BAZ2B: variants seen among roughly 807,000 people sequenced by gnomAD.
The protein encoded by BAZ2B is bromodomain adjacent to zinc finger domain 2B.
Under a neutral mutation model 246.0 loss-of-function variants are expected in BAZ2B, and 91 were observed. The ratio of observed to expected loss-of-function variants is 0.37; its 90% CI spans 0.31 to 0.44. The LOEUF is 0.44. Among genes scored for constraint, BAZ2B ranks in the 20% least tolerant of loss-of-function variants. BAZ2B has a pLI of 1.00. For synonymous variants in BAZ2B, 855 were observed against 860.0 expected (o/e 0.99, Z 0.10); for missense variants, 2,332 against 2,533.7 (o/e 0.92, Z 1.71).
chr2:159,483,781 A>G (rs1174046878), intron 2 of BAZ2B, among the ~76,000 whole-genome samples: 1 of 152,162 alleles, frequency 6.6e-6, no homozygotes, highest in Admixed American at 6.5e-5. Flanking sequence ...ACTCCGTCTC[A>G]AACAAAAACA....
the BAZ2B span, among the ~76,000 whole-genome samples, chr2:159,643,412 T>C: frequency 6.6e-6 from 1 of 152,098 alleles, no homozygotes; most frequent in Non-Finnish European, 1.5e-5. Flanking sequence ...AGATCAAGCC[T>C]CATTCTTACA....
intron 2 of BAZ2B, among the ~76,000 whole-genome samples, chr2:159,551,102 G>T (rs1285409123): frequency 6.6e-6 from 1 of 152,114 alleles, no homozygotes; most frequent in African/African-American, 2.4e-5. Context: ...CTCCCAAAGT[G>T]CTGGTATTAC....
intron 27 of BAZ2B, among the ~76,000 whole-genome samples, chr2:159,367,408 C>A (rs1353168818): frequency 6.6e-6 from 1 of 152,088 alleles, no homozygotes; most frequent in East Asian, 1.9e-4. Context: ...GCCTCTTGTA[C>A]AACACGAATT....
At chr2:159,579,911 A>G (rs991120490) in intron 1 of BAZ2B, among the ~76,000 whole-genome samples, 2 of 152,214 alleles carry the variant, frequency 1.3e-5, no homozygotes, top group Non-Finnish European at 2.9e-5. Flanking sequence ...TATTGATGGG[A>G]TGTATCTCAA....
intron 1 of BAZ2B, among the ~76,000 whole-genome samples, chr2:159,609,550 T>C (rs1416220892): frequency 6.6e-6 from 1 of 152,214 alleles, no homozygotes; most frequent in East Asian, 1.9e-4. Context: ...ATTCTGTTAT[T>C]GATCTATGGA....
chr2:159,689,282 C>A, the BAZ2B span: 4 of 465,110 alleles, frequency 8.6e-6, no homozygotes, highest in Non-Finnish European at 1.5e-5. Flanking sequence ...TGTCTCATCC[C>A]CAGTGGCTTT....
the BAZ2B span, among the ~76,000 whole-genome samples, chr2:159,652,350 T>C: frequency 1.8e-4 from 28 of 152,104 alleles, no homozygotes; most frequent in East Asian, 2.3e-3. Context: ...GCTGAGATTA[T>C]AGGCGCGTGC....
At chr2:159,460,789 G>A (rs2076316364) in intron 3 of BAZ2B, 1 of 152,044 alleles carries the variant, frequency 6.6e-6, no homozygotes, top group Admixed American at 6.5e-5. Flanking sequence ...AACTCAAAAT[G>A]TCCAAATTCT....
At chr2:159,410,603 TTCTTCC>T (rs1559313545) in intron 14 of BAZ2B, among the ~76,000 whole-genome samples, 1 of 152,170 alleles carries the variant, frequency 6.6e-6, no homozygotes, top group East Asian at 1.9e-4. Context: ...TCAATTAAAC[TTCTTCC>T]TTTATAAATT....
the BAZ2B span, among the ~76,000 whole-genome samples, chr2:159,628,421 A>G: frequency 6.6e-6 from 1 of 152,234 alleles, no homozygotes; most frequent in East Asian, 1.9e-4. Context: ...TTCAAACTAT[A>G]CTACAAGGCT....
At chr2:159,463,038 C>G (rs767646949) in intron 3 of BAZ2B, 40 of 733,104 alleles carry the variant, frequency 5.5e-5, no homozygotes, top group Non-Finnish European at 9.8e-5. Context: ...TAATTATGAC[C>G]TGATCTTCAC....
chr2:159,376,143 C>T (rs2061391040), intron 25 of BAZ2B, among the ~76,000 whole-genome samples: 1 of 152,026 alleles, frequency 6.6e-6, no homozygotes, highest in African/African-American at 2.4e-5. Context: ...ATTACTTAAC[C>T]TTTGTAAGTC....
chr2:159,429,353 T>C, intron 10 of BAZ2B, 93 bp from the exon 11 acceptor site: 1 of 706,868 alleles, frequency 1.4e-6, no homozygotes, highest in East Asian at 3.0e-5. Flanking sequence ...AAAGTATATG[T>C]TAATAACTTG....
At chr2:159,528,376 A>G (rs1467300098) in intron 2 of BAZ2B, among the ~76,000 whole-genome samples, 2 of 152,184 alleles carry the variant, frequency 1.3e-5, no homozygotes, top group African/African-American at 4.8e-5. Context: ...GTCTTTGTTA[A>G]AAACAGGCCG....
intron 36 of BAZ2B, 42 bp from the exon 37 acceptor site, chr2:159,320,460 G>C (rs1228453709): frequency 3.4e-6 from 5 of 1,481,522 alleles, no homozygotes; most frequent in South Asian, 1.3e-5. Context: ...TCATAGAGTG[G>C]ATTTGTTTTG....
the BAZ2B span, among the ~76,000 whole-genome samples, chr2:159,669,088 T>C: frequency 6.6e-6 from 1 of 151,810 alleles, no homozygotes; most frequent in East Asian, 1.9e-4. Context: ...AAGAAAGAAA[T>C]TGAAGTTATG....
the BAZ2B span, among the ~76,000 whole-genome samples, chr2:159,644,782 T>C: frequency 6.6e-6 from 1 of 152,210 alleles, no homozygotes; most frequent in East Asian, 1.9e-4. Context: ...TATTTCTTTA[T>C]CAAGTGGTTC....
chr2:159,533,286 C>T lies in BAZ2B; in HGVS notation c.-3+22537G>A, dbSNP rs377164979. 1.7e-3 allele frequency among the ~76,000 whole-genome samples: 252 copies of T among 152,082 alleles called. 7 individuals carry two copies. In the South Asian group the frequency reaches 0.043, roughly 26 times the overall value. ...ACATAATCCTTTTTCTAAAACAATACGGAAAGAAGAATAGAATACATTAAA... is the reference window on the plus strand; with the variant it reads ...ACATAATCCTTTTTCTAAAACAATATGGAAAGAAGAATAGAATACATTAAA... On this transcript the variant is annotated intron_variant, in intron 2 of 36. Transcript: ENST00000392783.
chr2:159,462,421 T>C (rs780488856), intron 3 of BAZ2B: 13 of 1,258,366 alleles, frequency 1.0e-5, no homozygotes, highest in Non-Finnish European at 1.5e-5. Flanking sequence ...TTTGCTAATG[T>C]TGTAGCTGAG....
Sources: gnomAD v4.1 joint callset for allele counts (sites outside exome capture counted in the v4.1 genomes callset) on GRCh38, gnomAD v4.1.1 for gene constraint, MANE v1.5 for transcripts, NCBI Gene and HGNC (gene_info 2026-07-23, HGNC 2026-07-21) for gene names.